PRSS35: variants seen among roughly 807,000 people sequenced by gnomAD.
PRSS35 encodes serine protease 35.
A neutral mutation model predicts 8.1 loss-of-function variants in PRSS35; 7 were observed. The ratio of observed to expected loss-of-function variants is 0.86; its 90% CI spans 0.49 to 1.62. PRSS35 has a LOEUF of 1.62. PRSS35 is among the 40% of genes most tolerant of loss of function. PRSS35 has a pLI of 0.00. For synonymous variants in PRSS35, 199 were observed against 188.7 expected (o/e 1.05, Z -0.45); for missense variants, 566 against 518.0 (o/e 1.09, Z -0.90).
intron 1 of PRSS35, among the ~76,000 whole-genome samples, chr6:83,515,231 A>G (rs943181673): frequency 6.6e-6 from 1 of 152,220 alleles, no homozygotes; most frequent in African/African-American, 2.4e-5. Flanking sequence ...CTCAACAGTT[A>G]AGGACTATCA....
In PRSS35 at chr6:83,524,920, A is replaced by C. The variant is rs1771911280; in HGVS notation, c.*237A>C. On this transcript the variant is annotated 3_prime_UTR_variant, in exon 2 of 2. Coordinates refer to ENST00000369700, the MANE Select transcript of PRSS35 (RefSeq NM_153362.3). ...TCTTCTTTACATGGTGATGAGTTTCATTTGTAGAAAAATTTTGTTGCCTTC... is the reference window on the plus strand; with the variant it reads ...TCTTCTTTACATGGTGATGAGTTTCCTTTGTAGAAAAATTTTGTTGCCTTC... 1 of 442,666 alleles carries C rather than the reference A, an allele frequency of 2.3e-6. No individual in the cohort carries two copies. The highest frequency in any genetic ancestry group is 2.0e-5 in the African/African-American group (1 of 49,352). The allele number at this position is 442,666 out of a possible 1,614,324, so 27.4% of individuals were successfully genotyped here.
chr6:83,515,547 C>T (rs1771697448), intron 1 of PRSS35, among the ~76,000 whole-genome samples: 2 of 152,168 alleles, frequency 1.3e-5, no homozygotes, highest in African/African-American at 4.8e-5. Flanking sequence ...TCTAGTTGTC[C>T]AGGCTGGAGT....
rs142499032 is a variant in PRSS35 at position 83,513,376 on chromosome 6, T to C, written c.-21+682T>C. Among the ~76,000 whole-genome samples the C allele has an allele frequency of 8.0e-3, 1,220 of 152,346 alleles. 16 individuals carry two copies. Among genetic ancestry groups the C allele is most frequent in the African/African-American group, 0.027 (1,143 of 41,574 alleles). ...AAAAAGTTGTAGAAACACTCCCGCT[T>C]GATTGCTCTGACATTTTTACACTGT... On this transcript the variant is annotated intron_variant, in intron 1 of 1. Transcript: ENST00000369700.
chr6:83,518,753 CA>C lies in PRSS35; in HGVS notation c.-20-4667del, dbSNP rs577132615. Among the ~76,000 whole-genome samples, 846 of 152,226 alleles carry C rather than the reference CA, an allele frequency of 5.6e-3. 6 individuals carry two copies. The highest frequency in any genetic ancestry group is 0.01 in the Middle Eastern group (3 of 294). On this transcript the variant is annotated intron_variant, in intron 1 of 1. Coordinates refer to ENST00000369700, the MANE Select transcript of PRSS35 (RefSeq NM_153362.3). Reference sequence around the variant, plus strand: ...CTGTTTTGAAGTGATACAAATTCACCAATTAAGGTAGGATAATAATTATAAA... The same window carrying C: ...CTGTTTTGAAGTGATACAAATTCACCATTAAGGTAGGATAATAATTATAAA...
At chr6:83,515,689 C>T (rs752938221) in intron 1 of PRSS35, among the ~76,000 whole-genome samples, 1 of 152,176 alleles carries the variant, frequency 6.6e-6, no homozygotes, top group Non-Finnish European at 1.5e-5. Flanking sequence ...CCTATGTTGC[C>T]CAGGCTACTC....
intron 1 of PRSS35, among the ~76,000 whole-genome samples, chr6:83,520,373 C>T (rs1771798274): frequency 6.6e-6 from 1 of 152,152 alleles, no homozygotes; most frequent in African/African-American, 2.4e-5. Flanking sequence ...AGTCACTCTC[C>T]ACCACCCTTT....
chr6:83,518,026 C>G (rs1340143738), intron 1 of PRSS35, among the ~76,000 whole-genome samples: 2 of 152,172 alleles, frequency 1.3e-5, no homozygotes, highest in Non-Finnish European at 2.9e-5. Context: ...AAAAGAAAGG[C>G]ATAAGTAATT....
chr6:83,522,904 CTG>C (rs1362154860), intron 1 of PRSS35, among the ~76,000 whole-genome samples: 1 of 152,206 alleles, frequency 6.6e-6, no homozygotes, highest in African/African-American at 2.4e-5. Flanking sequence ...TGGACATTCA[CTG>C]TATCCAATGA....
Position 83,524,804 on chromosome 6 carries a change from A to AT in PRSS35, c.*126dup. On this transcript the variant is annotated 3_prime_UTR_variant, in exon 2 of 2. Transcript: ENST00000369700. ...TGAACTCTGTCAATAGCATTTCAAC[A>AT]TTTTTCAAAATCAGGAGATTTTCGT... 2 of 1,088,146 alleles carry AT rather than the reference A, an allele frequency of 1.8e-6. No homozygotes were observed. Among genetic ancestry groups the AT allele is most frequent in the South Asian group, 3.8e-5 (2 of 52,550 alleles). The allele number at this position is 1,088,146 out of a possible 1,614,324, so 67.4% of individuals were successfully genotyped here.
In PRSS35 at chr6:83,523,551, T is replaced by C. The variant is rs201322773; in HGVS notation, c.110T>C (p.Ile37Thr). 3.7e-6 allele frequency: 6 copies of C among 1,614,168 alleles called. No individual in the cohort carries two copies. In the African/African-American group the frequency reaches 6.7e-5, roughly 18 times the overall value. The change falls in exon 2 of 2, where the codon ATT becomes ACT. Residue 37 changes from isoleucine (I) to threonine (T), a missense_variant. Physicochemically the swap from Ile to Thr is moderately conservative, Grantham distance 89 (BLOSUM62 -1). Coordinates refer to ENST00000369700, the MANE Select transcript of PRSS35 (RefSeq NM_153362.3). ...FMWHLRKVPR[I>T]VSERTFHLTS... ...TGGCACTTGAGAAAGGTACCCCGGATTGTCAGTGAAAGGACTTTCCATCTC... is the reference window on the plus strand; with the variant it reads ...TGGCACTTGAGAAAGGTACCCCGGACTGTCAGTGAAAGGACTTTCCATCTC...
At chr6:83,514,985 C>T (rs1019624324) in intron 1 of PRSS35, among the ~76,000 whole-genome samples, 1 of 152,178 alleles carries the variant, frequency 6.6e-6, no homozygotes, top group East Asian at 1.9e-4. Context: ...AAAATAAAAT[C>T]TATTTCACAG....
rs753593148 is a variant in PRSS35, at chr6:83,524,469, C to T, written c.1028C>T (p.Ser343Leu). The T allele has an allele frequency of 5.6e-6, 9 of 1,614,104 alleles. No homozygotes were observed. In the South Asian group the frequency reaches 7.7e-5, roughly 14 times the overall value. ...DLLYQYCDAESGSTGSGVYLR... is the reference protein window; with the variant it reads ...DLLYQYCDAELGSTGSGVYLR... ...CTTTACCAATACTGCGATGCTGAGT[C>T]GGGCTCCACCGGTTCGGGGGTCTAT... is the stretch of plus-strand genomic sequence containing the variant. The change falls in exon 2 of 2, where the codon TCG (serine) becomes TTG (leucine). Residue 343 changes from serine (S) to leucine (L), a missense_variant. By Grantham distance (145) the Ser-to-Leu change is moderately radical. Transcript: ENST00000369700.
chr6:83,519,667 T>A (rs1464201633), intron 1 of PRSS35, among the ~76,000 whole-genome samples: 1 of 152,244 alleles, frequency 6.6e-6, no homozygotes, highest in East Asian at 1.9e-4. Context: ...TGCCCAATTT[T>A]AAATTACAGG....
rs143742030 is a variant in PRSS35, at chr6:83,524,617, T to C, written c.1176T>C (p.Thr392=). The C allele has an allele frequency of 6.9e-4, 1,113 of 1,613,954 alleles. 2 individuals are homozygous for C. The highest frequency in any genetic ancestry group is 8.8e-4 in the Non-Finnish European group (1,036 of 1,179,984). ...QKDYNVAVRI[T]PLKYAQICLW... is the part of the protein sequence containing the mutation. ...ACTACAACGTTGCTGTTCGCATCAC[T>C]CCCCTAAAATACGCCCAGATTTGCC... Residue 392 remains threonine (T), a synonymous_variant, in exon 2 of 2, where the codon ACT becomes ACC. Coordinates refer to ENST00000369700, the MANE Select transcript of PRSS35 (RefSeq NM_153362.3).
chr6:83,515,078 G>T (rs971821630), intron 1 of PRSS35, among the ~76,000 whole-genome samples: 3 of 152,152 alleles, frequency 2.0e-5, no homozygotes, highest in Non-Finnish European at 4.4e-5. Flanking sequence ...TAGCAACATG[G>T]ATAACAGGCA....
Position 83,524,265 on chromosome 6 carries a change from A to C in PRSS35, c.824A>C (p.Tyr275Ser), listed in dbSNP as rs757399982. Residue 275 changes from tyrosine to serine, a missense_variant, in exon 2 of 2, where the codon TAT becomes TCT. Tyr to Ser is a moderately radical substitution (Grantham distance 144, BLOSUM62 -2). Transcript: ENST00000369700. ...RGGMGDATLD[Y>S]DYALLELKRA... ...GGCATGGGGGACGCTACCTTGGACT[A>C]TGACTATGCTCTTCTGGAGCTGAAG... The C allele has an allele frequency of 3.7e-6, 6 of 1,614,166 alleles. No individual in the cohort carries two copies. The highest frequency in any genetic ancestry group is 1.6e-4 in the Middle Eastern group (1 of 6,062).
intron 1 of PRSS35, among the ~76,000 whole-genome samples, chr6:83,516,575 CAAAAAAAAAAA>C (rs70987760): frequency 9.8e-6 from 1 of 101,896 alleles, no homozygotes; most frequent in African/African-American, 3.7e-5. Context: ...GACTGCGTCT[CAAAAAAAAAAA>C]AAAAAAAAAG....
intron 1 of PRSS35, among the ~76,000 whole-genome samples, chr6:83,514,305 T>G (rs775415763): frequency 4.6e-5 from 7 of 152,184 alleles, no homozygotes; most frequent in Non-Finnish European, 1.0e-4. Context: ...TCACCCAAAA[T>G]TTGATTTATC....
At position 83,524,006 on chromosome 6, in the gene PRSS35, T is replaced by G; in HGVS notation, c.565T>G (p.Leu189Val). 1 of 1,614,114 alleles carries G rather than the reference T, an allele frequency of 6.2e-7. No homozygotes were observed. The highest frequency in any genetic ancestry group is 8.5e-7 in the Non-Finnish European group (1 of 1,180,016). The change falls in exon 2 of 2, where the codon TTG becomes GTG. Residue 189 changes from leucine (L) to valine (V), a missense_variant. Transcript: ENST00000369700. ...KGSKKLRVGLLKMRNKSGGKK... is the reference protein window; with the variant it reads ...KGSKKLRVGLVKMRNKSGGKK... ...GAGTAAAAAGCTAAGGGTAGGGTTGTTGAAGATGAGGAATAAAAGTGGAGG... is the reference window on the plus strand; with the variant it reads ...GAGTAAAAAGCTAAGGGTAGGGTTGGTGAAGATGAGGAATAAAAGTGGAGG...
Sources: gnomAD v4.1 joint callset for allele counts (sites outside exome capture counted in the v4.1 genomes callset) on GRCh38, gnomAD v4.1.1 for gene constraint, MANE v1.5 for transcripts, NCBI Gene and HGNC (gene_info 2026-07-23, HGNC 2026-07-21) for gene names.